Variants in ICE2 observed in about 807,000 individuals in gnomAD.
ICE2 encodes the protein interactor of little elongation complex ELL subunit 2.
Under a neutral mutation model 105.4 loss-of-function variants are expected in ICE2, and 87 were observed. The observed-to-expected ratio is 0.83, with a 90% CI of 0.69 to 0.99. ICE2 has a LOEUF of 0.99. ICE2 is among the 50% of genes least tolerant of loss of function. The probability of loss-of-function intolerance (pLI) is 0.00; values close to 1 mark genes in which losing one functional copy is unlikely to be tolerated. For missense variants in ICE2, 1,323 were observed against 1,146.7 expected, an observed-to-expected ratio of 1.15 and a Z score of -2.22; for synonymous variants, 399 against 392.0, an observed-to-expected ratio of 1.02 and a Z score of -0.21.
intron 8 of ICE2, among the ~76,000 whole-genome samples, chr15:60,454,187 C>T (rs569602275): frequency 1.2e-4 from 18 of 152,092 alleles, no homozygotes; most frequent in Middle Eastern, 3.4e-3. Context: ...TATGCTGTGA[C>T]ATATATTAAC....
chr15:60,447,543 C>T (rs1566983591), intron 11 of ICE2: 1 of 153,128 alleles, frequency 6.5e-6, no homozygotes, highest in Admixed American at 6.5e-5. Flanking sequence ...TCATATCCAC[C>T]ATATACATAG....
At chr15:60,452,362 G>T in intron 9 of ICE2, 1 of 633,188 alleles carries the variant, frequency 1.6e-6, no homozygotes, top group Non-Finnish European at 2.0e-6. Flanking sequence ...TCAAGTCTCT[G>T]TCCACATTTC....
intron 11 of ICE2, 122 bp downstream of exon 11, chr15:60,447,848 C>T (rs2063857727): frequency 5.0e-6 from 4 of 805,278 alleles, no homozygotes; most frequent in Non-Finnish European, 5.7e-6. Context: ...AAACAAAAAA[C>T]AAAACTCAAC....
chr15:60,475,175 T>G (rs1297090259), intron 3 of ICE2, among the ~76,000 whole-genome samples: 2 of 152,242 alleles, frequency 1.3e-5, no homozygotes, highest in Non-Finnish European at 2.9e-5. Flanking sequence ...TATTTATACA[T>G]TTTTCTAGTA....
chr15:60,471,464 T>C (rs566096086), intron 3 of ICE2, among the ~76,000 whole-genome samples: 1 of 152,296 alleles, frequency 6.6e-6, no homozygotes, highest in South Asian at 2.1e-4. Context: ...TGAGAACATG[T>C]CCGTCCTTGT....
In ICE2 at chr15:60,478,048, G is replaced by T; in HGVS notation, c.-71C>A. The stretch of plus-strand genomic sequence containing the variant: ...TGGCTGCGAAGGCTCCAAGAGGCAG[G>T]ATCCCTCCAGAACTTACTCAGCTGA... On this transcript the variant is annotated 5_prime_UTR_variant, in exon 2 of 16. Coordinates refer to ENST00000261520, the MANE Select transcript of ICE2 (RefSeq NM_024611.6). 7.2e-7 allele frequency: 1 copy of T among 1,392,218 alleles called. No individual in the cohort carries two copies. Among genetic ancestry groups the T allele is most frequent in the Non-Finnish European group, 1.0e-6 (1 of 978,888 alleles). 86.2% of individuals were successfully genotyped at this position (1,392,218 alleles called of 1,614,324 possible). A position where few individuals can be genotyped will look rare whatever the true frequency, so the allele number is the denominator to read the frequency against.
intron 12 of ICE2, among the ~76,000 whole-genome samples, chr15:60,436,909 A>G (rs928567980): frequency 6.6e-6 from 1 of 152,096 alleles, no homozygotes; most frequent in African/African-American, 2.4e-5. Flanking sequence ...AGGGGCTAAG[A>G]CACACTTGGC....
chr15:60,434,519 T>G (rs1311016676), intron 13 of ICE2, among the ~76,000 whole-genome samples: 2 of 112,248 alleles, frequency 1.8e-5, no homozygotes, highest in African/African-American at 7.5e-5. Context: ...TAAAATGTGA[T>G]TACACACACA....
Position 60,468,018 on chromosome 15 carries a change from ATTTT to A in ICE2, c.408+39_408+42del, listed in dbSNP as rs540458440. ...AAATTTAAGATAAAAATATTTCCTAATTTTTATTATTTTTTCCTGAAACTGAAGA... is the reference window on the plus strand; with the variant it reads ...AAATTTAAGATAAAAATATTTCCTAATATTATTTTTTCCTGAAACTGAAGA... On this transcript the variant is annotated intron_variant, in intron 4 of 15. Transcript: ENST00000261520. The A allele has an allele frequency of 9.6e-6, 14 of 1,458,070 alleles. No homozygotes were observed. In the South Asian group the frequency reaches 2.1e-4, roughly 22 times the overall value. 90.3% of individuals were successfully genotyped at this position (1,458,070 alleles called of 1,614,324 possible).
intron 1 of ICE2, 91 bp from the exon 2 acceptor site, chr15:60,478,160 C>G: frequency 1.6e-6 from 1 of 615,034 alleles, no homozygotes; most frequent in African/African-American, 1.8e-5. Context: ...TAAACATCTA[C>G]CCTCAACAGA....
intron 4 of ICE2, among the ~76,000 whole-genome samples, chr15:60,467,012 G>C (rs28579829): frequency 0.52 from 79,386 of 152,050 alleles, 22,741 homozygotes; most frequent in East Asian, 0.84. Flanking sequence ...TTTTGAGACA[G>C]AATCTCGCTT....
chr15:60,436,063 A>C (rs2063579873), intron 13 of ICE2, 80 bp downstream of exon 13: 2 of 557,552 alleles, frequency 3.6e-6, no homozygotes, highest in Admixed American at 7.9e-5. Context: ...AAATAATTTA[A>C]GCTTAAACAA....
chr15:60,431,647 A>G (rs1488133755), intron 14 of ICE2, among the ~76,000 whole-genome samples: 2 of 152,178 alleles, frequency 1.3e-5, no homozygotes, highest in Non-Finnish European at 2.9e-5. Flanking sequence ...TAAAAAGAGA[A>G]TCAATCTGTT....
At chr15:60,478,756 G>A (rs932949805) in intron 1 of ICE2, 3 of 353,654 alleles carry the variant, frequency 8.5e-6, no homozygotes, top group Non-Finnish European at 1.7e-5. Flanking sequence ...GTGGAGCTGG[G>A]GGGGAATAGT....
chr15:60,470,230 A>G (rs1053685181), intron 3 of ICE2, among the ~76,000 whole-genome samples: 2 of 152,242 alleles, frequency 1.3e-5, no homozygotes, highest in Non-Finnish European at 2.9e-5. Context: ...AAGAAAGAAA[A>G]GTAGATATGT....
intron 3 of ICE2, among the ~76,000 whole-genome samples, chr15:60,470,985 A>C (rs1264291961): frequency 2.0e-5 from 3 of 152,206 alleles, no homozygotes; most frequent in Non-Finnish European, 4.4e-5. Flanking sequence ...AGGGTGAGTT[A>C]CATTCCATCC....
At position 60,423,537 on chromosome 15, in the gene ICE2, AT is replaced by A; in HGVS notation, c.*96del. 1 of 1,184,570 alleles carries A rather than the reference AT, an allele frequency of 8.4e-7. No individual in the cohort carries two copies. Among genetic ancestry groups the A allele is most frequent in the Non-Finnish European group, 1.1e-6 (1 of 870,222 alleles). 73.4% of individuals were successfully genotyped at this position (1,184,570 alleles called of 1,614,324 possible). On this transcript the variant is annotated 3_prime_UTR_variant, in exon 16 of 16. Transcript: ENST00000261520. Reference sequence around the variant, plus strand: ...AGGCACTCTAGCTACTACAGGAAAAATGTTCCTCTTGCCTACTGATTATTTT... The same window carrying A: ...AGGCACTCTAGCTACTACAGGAAAAAGTTCCTCTTGCCTACTGATTATTTT...
At chr15:60,433,804 T>A (rs68180864) in intron 13 of ICE2, among the ~76,000 whole-genome samples, 3,544 of 60,766 alleles carry the variant, frequency 0.058, 110 homozygotes, top group African/African-American at 0.15. Context: ...TCCTTTTTTT[T>A]AAAAAAAAAA....
intron 3 of ICE2, among the ~76,000 whole-genome samples, chr15:60,475,573 C>T (rs976502359): frequency 1.3e-5 from 2 of 152,046 alleles, no homozygotes; most frequent in African/African-American, 4.8e-5. Context: ...TAAGATTGAA[C>T]TAAATGCTGG....
Sources: allele counts gnomAD v4.1 joint callset (sites outside exome capture counted in the v4.1 genomes callset), GRCh38; gene constraint gnomAD v4.1.1; transcripts MANE v1.5; gene names NCBI Gene and HGNC (gene_info 2026-07-23, HGNC 2026-07-21).